The following CDK12 variants were observed in gnomAD, a reference collection of about 807,000 sequenced individuals.
CDK12 encodes the protein cyclin-dependent kinase 12.
A neutral mutation model predicts 133.8 loss-of-function variants in CDK12; 17 were observed. The observed-to-expected ratio is 0.13, with a 90% CI of 0.09 to 0.19. The LOEUF (loss-of-function observed/expected upper bound fraction) is 0.19, where lower values mean the gene tolerates loss of function less well. Among genes scored for constraint, CDK12 ranks in the 10% least tolerant of loss-of-function variants. The probability of loss-of-function intolerance (pLI) is 1.00; values close to 1 mark genes in which losing one functional copy is unlikely to be tolerated. For synonymous variants in CDK12, 694 were observed against 683.6 expected (o/e 1.02, Z -0.24); for missense variants, 1,508 against 1,818.7 (o/e 0.83, Z 3.11).
intron 2 of CDK12, among the ~76,000 whole-genome samples, chr17:39,482,393 C>G (rs567022229): frequency 6.6e-5 from 10 of 151,952 alleles, no homozygotes; most frequent in African/African-American, 2.4e-4. Context: ...AAGGCTGTAT[C>G]TCTATAAGTT....
chr17:39,474,781 C>CTTTTT (rs893347738), intron 2 of CDK12, among the ~76,000 whole-genome samples: 12 of 94,132 alleles, frequency 1.3e-4, no homozygotes, highest in African/African-American at 5.5e-4. Context: ...ATGATGTTTC[C>CTTTTT]TTTTTTTTTT....
intron 8 of CDK12, among the ~76,000 whole-genome samples, chr17:39,512,731 C>T (rs2053572563): frequency 2.6e-5 from 4 of 152,194 alleles, no homozygotes; most frequent in Admixed American, 2.6e-4. Context: ...ATCCTCCCAT[C>T]TGTTTGGCTG....
Position 39,530,910 on chromosome 17 carries a change from G to A in CDK12, c.4067G>A (p.Arg1356Gln), listed in dbSNP as rs761089485. Residue 1356 changes from arginine to glutamine, a missense_variant, in exon 14 of 14, where the codon CGA becomes CAA. By Grantham distance (43) the Arg-to-Gln change is conservative (BLOSUM62 1). This residue lies in a region of CDK12 where 399 missense variants were observed against 469.6 expected (regional missense o/e 0.85). Coordinates refer to ENST00000447079, the MANE Select transcript of CDK12 (RefSeq NM_016507.4). ...TGFSAIDTDE[R>Q]NSGPALTESL... ...TTCAGTGCCATTGACACTGATGAAC[G>A]AAACTCTGGTCCAGCCTTGACAGAA... 5.6e-6 allele frequency: 9 copies of A among 1,614,060 alleles called. No individual in the cohort carries two copies. In the South Asian group the frequency reaches 6.6e-5, roughly 12 times the overall value.
At chr17:39,483,610 GATT>G (rs35843985) in intron 2 of CDK12, among the ~76,000 whole-genome samples, 4,871 of 151,858 alleles carry the variant, frequency 0.032, 268 homozygotes, top group African/African-American at 0.11. Context: ...GGAGATAAAG[GATT>G]ATATTTAAAG....
chr17:39,476,974 A>G (rs2050262038), intron 2 of CDK12, among the ~76,000 whole-genome samples: 1 of 151,424 alleles, frequency 6.6e-6, no homozygotes, highest in South Asian at 2.1e-4. Flanking sequence ...TCGGGCTTCC[A>G]ACGTGCTGGA....
rs1289047193 is a variant in CDK12 at position 39,462,615 on chromosome 17, G to A, written c.544G>A (p.Glu182Lys). ...ATCCAGGTCATCCAAGCTCCACAAG[G>A]AGAAGACCAGGAAAGAACGGGAGCT... ...KESRSSKLHK[E>K]KTRKERELKS... is the part of the protein sequence containing the mutation. Residue 182 changes from glutamate to lysine, a missense_variant, in exon 1 of 14, where the codon GAG (glutamate) becomes AAG (lysine). Glu to Lys is a moderately conservative substitution (Grantham distance 56). Coordinates refer to ENST00000447079, the MANE Select transcript of CDK12 (RefSeq NM_016507.4). 1.9e-6 allele frequency: 3 copies of A among 1,614,114 alleles called. No homozygotes were observed. The highest frequency in any genetic ancestry group is 1.7e-6 in the Non-Finnish European group (2 of 1,180,046).
chr17:39,468,720 C>T (rs537804943), intron 1 of CDK12, among the ~76,000 whole-genome samples: 57 of 152,254 alleles, frequency 3.7e-4, no homozygotes, highest in Admixed American at 1.3e-3. Context: ...GGTAATCCGC[C>T]TGCCTCAGCC....
chr17:39,557,400 C>T (rs927662457), intron 3 of CDK12, among the ~76,000 whole-genome samples: 4 of 152,112 alleles, frequency 2.6e-5, no homozygotes, highest in Non-Finnish European at 5.9e-5. Context: ...AGTTTGACAC[C>T]TTGGGGTAGA....
At chr17:39,542,896 C>T (rs1224254658), upstream of CDK12, among the ~76,000 whole-genome samples, 1 of 152,208 alleles carries the variant, frequency 6.6e-6, no homozygotes, top group African/African-American at 2.4e-5. Flanking sequence ...AAGCAGATGG[C>T]AGCCACAGCC....
intron 8 of CDK12, among the ~76,000 whole-genome samples, chr17:39,514,548 C>T (rs953551079): frequency 1.3e-5 from 2 of 152,036 alleles, no homozygotes; most frequent in African/African-American, 4.8e-5. Context: ...TCCTATGTTG[C>T]CAGGCTGGTC....
intron 8 of CDK12, among the ~76,000 whole-genome samples, chr17:39,513,751 T>G (rs189054538): frequency 6.6e-6 from 1 of 152,332 alleles, no homozygotes; most frequent in East Asian, 1.9e-4. Flanking sequence ...CAAAGCCCAG[T>G]GGCTCATTGA....
chr17:39,544,285 A>G (rs2055563512), upstream of CDK12: 1 of 488,304 alleles, frequency 2.0e-6, no homozygotes, highest in African/African-American at 2.0e-5. Context: ...TGAGGAATGC[A>G]GTGATGTCCA....
At chr17:39,538,863 C>A (rs939323331), downstream of CDK12, among the ~76,000 whole-genome samples, 1 of 152,124 alleles carries the variant, frequency 6.6e-6, no homozygotes, top group African/African-American at 2.4e-5. Flanking sequence ...TGCGCCACTT[C>A]ACTCCAGCCT....
rs761432944 is a variant in CDK12 at position 39,490,624 on chromosome 17, A to T, written c.1999A>T (p.Thr667Ser). The change falls in exon 3 of 14, where the codon ACA becomes TCA. Residue 667 changes from threonine (T) to serine (S), a missense_variant. By Grantham distance (58) the Thr-to-Ser change is moderately conservative. Transcript: ENST00000447079. ...EKEQRTRHLL[T>S]DLPLPPELPG... Reference sequence around the variant, plus strand: ...GGAACAGAGGACACGTCACTTACTCACAGACCTTCCTCTCCCTCCAGAGCT... The same window carrying T: ...GGAACAGAGGACACGTCACTTACTCTCAGACCTTCCTCTCCCTCCAGAGCT... 6.2e-7 allele frequency: 1 copy of T among 1,613,720 alleles called. No homozygotes were observed. The highest frequency in any genetic ancestry group is 8.5e-7 in the Non-Finnish European group (1 of 1,179,720).
At position 39,532,069 on chromosome 17, in the gene CDK12, C is replaced by T. The variant is rs935916596; in HGVS notation, c.*753C>T. 8.9e-6 allele frequency: 2 copies of T among 225,106 alleles called. No individual in the cohort carries two copies. The highest frequency in any genetic ancestry group is 1.7e-5 in the Non-Finnish European group (2 of 115,076). 13.9% of individuals were successfully genotyped at this position (225,106 alleles called of 1,614,324 possible). A position where few individuals can be genotyped will look rare whatever the true frequency, so the allele number is the denominator to read the frequency against. ...TAGGTAGACTTTACCCAGTCTCTTT[C>T]CTTTTTTGCTGATGTGTGCTCTCTC... is the stretch of plus-strand genomic sequence containing the variant. On this transcript the variant is annotated 3_prime_UTR_variant, in exon 14 of 14. Transcript: ENST00000447079.
At chr17:39,486,253 C>CTTTTTTT (rs35710234) in intron 2 of CDK12, among the ~76,000 whole-genome samples, 5 of 86,512 alleles carry the variant, frequency 5.8e-5, no homozygotes, top group Non-Finnish European at 4.5e-5. Flanking sequence ...CACCCTGCCT[C>CTTTTTTT]TTTTTTTTTT....
Position 39,482,015 on chromosome 17 carries a change from C to CATTTTTTTTTTTTTTTTTTTTTTT in CDK12, c.1932-8542_1932-8541insATTTTTTTTTTTTTTTTTTTTTTT, listed in dbSNP as rs773073791. On this transcript the variant is annotated intron_variant, in intron 2 of 13. Transcript: ENST00000447079. ...GATTACAGGCATGAGCCTGGCTTGC[C>CATTTTTTTTTTTTTTTTTTTTTTT]TTTTTTTTTTTTTTTTAACAGAGTT... is the stretch of plus-strand genomic sequence containing the variant. Among the ~76,000 whole-genome samples, 2 of 96,228 alleles carry CATTTTTTTTTTTTTTTTTTTTTTT rather than the reference C, an allele frequency of 2.1e-5. 1 individual carries two copies. Among genetic ancestry groups the CATTTTTTTTTTTTTTTTTTTTTTT allele is most frequent in the Non-Finnish European group, 4.4e-5 (2 of 45,180 alleles). 63.1% of individuals were successfully genotyped at this position (96,228 alleles called of 152,430 possible).
At chr17:39,510,776 G>A (rs2053452514) in intron 7 of CDK12, among the ~76,000 whole-genome samples, 1 of 151,364 alleles carries the variant, frequency 6.6e-6, no homozygotes, top group Admixed American at 6.6e-5. Flanking sequence ...GCCATGCCCG[G>A]CTAATTTTGT....
At chr17:39,538,476 C>G (rs1241111455), downstream of CDK12, among the ~76,000 whole-genome samples, 1 of 152,118 alleles carries the variant, frequency 6.6e-6, no homozygotes, top group Non-Finnish European at 1.5e-5. Flanking sequence ...TATGGTGTTG[C>G]GAGAAAGAAG....
Sources: allele counts gnomAD v4.1 joint callset (sites outside exome capture counted in the v4.1 genomes callset), GRCh38; gene constraint gnomAD v4.1.1; regional missense constraint gnomAD v4.1.1; transcripts MANE v1.5; gene names NCBI Gene and HGNC (gene_info 2026-07-23, HGNC 2026-07-21).